The following RAG1 variants were observed in gnomAD, a reference collection of about 807,000 sequenced individuals.
The protein encoded by RAG1 is recombination activating 1, also known as V(D)J recombination-activating protein 1.
In RAG1, 35 loss-of-function variants were observed where a neutral mutation model predicts 62.7. The observed-to-expected ratio is 0.56, with a 90% CI of 0.43 to 0.74. The LOEUF (loss-of-function observed/expected upper bound fraction) is 0.74, where lower values mean the gene tolerates loss of function less well. Among genes scored for constraint, RAG1 ranks in the 30% least tolerant of loss-of-function variants. The probability of loss-of-function intolerance (pLI) is 0.00; values close to 1 mark genes in which losing one functional copy is unlikely to be tolerated. For synonymous variants in RAG1, 461 were observed against 470.3 expected (o/e 0.98, Z 0.26); for missense variants, 1,169 against 1,278.6 (o/e 0.91, Z 1.31).
chr11:36,517,727 A>G (rs1049690202), intron 1 of RAG1, among the ~76,000 whole-genome samples: 38 of 152,352 alleles, frequency 2.5e-4, no homozygotes, highest in African/African-American at 8.9e-4. Flanking sequence ...TGCATCCACC[A>G]AAAAGTCACT....
intron 1 of RAG1, among the ~76,000 whole-genome samples, chr11:36,570,058 G>A (rs1850717600): frequency 6.6e-6 from 1 of 152,054 alleles, no homozygotes; most frequent in Non-Finnish European, 1.5e-5. Flanking sequence ...TGCCCTTTGG[G>A]TAATTATTTA....
Position 36,516,382 on chromosome 11 carries a change from C to T in RAG1, n.331-3750C>T, listed in dbSNP as rs552029163. Among the ~76,000 whole-genome samples, 25 of 152,354 alleles carry T rather than the reference C, an allele frequency of 1.6e-4. No homozygotes were observed. The South Asian group carries it at 2.7e-3, about 16-fold the overall frequency. On this transcript the variant is annotated intron_variant and non_coding_transcript_variant, in intron 1 of 2. Coordinates refer to the RAG1 transcript ENST00000529126. Reference sequence around the variant, plus strand: ...TGTCGCCCAGGCTGGAGTGCAGTGGCGCGATCTCCGCTCGCTGCAAGCTCC... The same window carrying T: ...TGTCGCCCAGGCTGGAGTGCAGTGGTGCGATCTCCGCTCGCTGCAAGCTCC...
intron 2 of RAG1, among the ~76,000 whole-genome samples, chr11:36,521,686 G>C (rs1403681039): frequency 2.6e-5 from 4 of 152,176 alleles, no homozygotes; most frequent in Non-Finnish European, 2.9e-5. Flanking sequence ...AGCTTGGAGG[G>C]CTCAGAAGAA....
At chr11:36,557,331 C>T (rs1590688727) in intron 3 of RAG1, among the ~76,000 whole-genome samples, 3 of 103,516 alleles carry the variant, frequency 2.9e-5, no homozygotes, top group South Asian at 3.2e-4. Context: ...TTTCTTAAGC[C>T]GGTCTGAAAA....
intron 3 of RAG1, among the ~76,000 whole-genome samples, chr11:36,549,032 C>G (rs1433747006): frequency 6.6e-6 from 1 of 152,198 alleles, no homozygotes; most frequent in Non-Finnish European, 1.5e-5. Flanking sequence ...AAAGGATTCC[C>G]TATTTAATAA....
At chr11:36,513,551 G>A (rs1324322512) in intron 1 of RAG1, among the ~76,000 whole-genome samples, 3 of 152,180 alleles carry the variant, frequency 2.0e-5, no homozygotes, top group Admixed American at 2.0e-4. Context: ...CCCACGTGTA[G>A]TTTGCTTCCA....
chr11:36,516,466 C>T (rs1347455005), intron 1 of RAG1, among the ~76,000 whole-genome samples: 1 of 152,212 alleles, frequency 6.6e-6, no homozygotes, highest in Non-Finnish European at 1.5e-5. Flanking sequence ...GGACTACAGG[C>T]GCCCGCCACC....
chr11:36,550,070 C>T (rs899660033), intron 3 of RAG1, among the ~76,000 whole-genome samples: 9 of 152,080 alleles, frequency 5.9e-5, no homozygotes, highest in African/African-American at 2.2e-4. Flanking sequence ...ACAATGAGAA[C>T]ACATGGACAC....
chr11:36,579,107 G>T lies in RAG1; in HGVS notation c.*2671G>T, dbSNP rs542007086. The T allele has an allele frequency of 6.0e-6, 1 of 167,070 alleles. No homozygotes were observed. Among genetic ancestry groups the T allele is most frequent in the Admixed American group, 6.5e-5 (1 of 15,278 alleles). 10.3% of individuals were successfully genotyped at this position (167,070 alleles called of 1,614,324 possible). On this transcript the variant is annotated 3_prime_UTR_variant, in exon 2 of 2. Transcript: ENST00000299440. ...AGAAAAAGATGTCTTTTTCTTCCAGGTGAACTGGAATTTAGTTTTGCCTCA... is the reference window on the plus strand; with the variant it reads ...AGAAAAAGATGTCTTTTTCTTCCAGTTGAACTGGAATTTAGTTTTGCCTCA...
intron 2 of RAG1, among the ~76,000 whole-genome samples, chr11:36,531,215 C>G (rs1363705525): frequency 6.6e-6 from 1 of 151,680 alleles, no homozygotes; most frequent in East Asian, 1.9e-4. Context: ...TCAACCTGTC[C>G]TTATTATTAT....
intron 1 of RAG1, among the ~76,000 whole-genome samples, chr11:36,516,346 G>A (rs11033674): frequency 0.5 from 75,333 of 152,184 alleles, 21,501 homozygotes; most frequent in East Asian, 0.72. Context: ...TTTTGAGACG[G>A]AGTCTCGCTC....
intron 1 of RAG1, among the ~76,000 whole-genome samples, chr11:36,569,870 A>G (rs771819897): frequency 6.6e-6 from 1 of 152,222 alleles, no homozygotes; most frequent in Non-Finnish European, 1.5e-5. Flanking sequence ...ACGTATCTAC[A>G]TAAAGGGAAT....
At chr11:36,567,991 C>T (rs117817879), upstream of RAG1, 1,091 of 152,330 alleles carry the variant, frequency 7.2e-3, 7 homozygotes, top group Non-Finnish European at 0.011. Context: ...ATAAACAGCT[C>T]AGCAGCATGT....
intron 1 of RAG1, among the ~76,000 whole-genome samples, chr11:36,572,234 G>A (rs1213837500): frequency 2.0e-5 from 3 of 152,216 alleles, no homozygotes; most frequent in Non-Finnish European, 4.4e-5. Context: ...TGAAAATACA[G>A]CTGCTCTCTT....
chr11:36,545,771 T>G (rs1390010700), intron 3 of RAG1, among the ~76,000 whole-genome samples: 1 of 152,232 alleles, frequency 6.6e-6, no homozygotes, highest in Non-Finnish European at 1.5e-5. Context: ...AAGTTTAAGC[T>G]GTGTCTTAGA....
In RAG1 at chr11:36,578,827, A is replaced by T. The variant is rs1346712460; in HGVS notation, c.*2391A>T. On this transcript the variant is annotated 3_prime_UTR_variant, in exon 2 of 2. Coordinates refer to ENST00000299440, the MANE Select transcript of RAG1 (RefSeq NM_000448.3). ...TTTATTTTTAGCAATGCCTATTGCAAGTGCAATTATATACTCCAGGGAAAT... is the reference window on the plus strand; with the variant it reads ...TTTATTTTTAGCAATGCCTATTGCATGTGCAATTATATACTCCAGGGAAAT... 6.0e-6 allele frequency: 1 copy of T among 167,118 alleles called. No homozygotes were observed. Among genetic ancestry groups the T allele is most frequent in the Admixed American group, 6.5e-5 (1 of 15,286 alleles). The allele number at this position is 167,118 out of a possible 1,614,324, so 10.4% of individuals were successfully genotyped here.
chr11:36,560,689 C>T (rs373772181), intron 3 of RAG1, among the ~76,000 whole-genome samples: 1 of 152,008 alleles, frequency 6.6e-6, no homozygotes, highest in African/African-American at 2.4e-5. Context: ...CTGTGAGGAC[C>T]GTGGGGACTG....
Position 36,573,790 on chromosome 11 carries a change from T to A in RAG1, c.486T>A (p.Asp162Glu), listed in dbSNP as rs753042511. 126 of 1,614,122 alleles carry A rather than the reference T, an allele frequency of 7.8e-5. 2 individuals are homozygous for A. In the East Asian group the frequency reaches 2.5e-3, roughly 32 times the overall value. The change falls in exon 2 of 2, where the codon GAT becomes GAA. Residue 162 changes from aspartate to glutamate, a missense_variant. Physicochemically the swap from Asp to Glu is conservative, Grantham distance 45 (BLOSUM62 2). Transcript: ENST00000299440. ...PDLIAKVFRI[D>E]VKADVDSIHP... ...TCATTGCCAAGGTTTTCCGGATCGATGTGAAGGCAGATGTTGACTCGATCC... is the reference window on the plus strand; with the variant it reads ...TCATTGCCAAGGTTTTCCGGATCGAAGTGAAGGCAGATGTTGACTCGATCC...
chr11:36,536,693 A>G (rs1860333252), downstream of RAG1, among the ~76,000 whole-genome samples: 1 of 151,312 alleles, frequency 6.6e-6, no homozygotes, highest in East Asian at 1.9e-4. Context: ...TAAATAAAAT[A>G]TTTATATTTT....
Sources: allele counts gnomAD v4.1 joint callset (sites outside exome capture counted in the v4.1 genomes callset), GRCh38; gene constraint gnomAD v4.1.1; transcripts MANE v1.5; gene names NCBI Gene and HGNC (gene_info 2026-07-23, HGNC 2026-07-21).